Variants in ZFPM2 observed in about 807,000 individuals in gnomAD.
The protein encoded by ZFPM2 is zinc finger protein ZFPM2.
ZFPM2 carries 20 observed loss-of-function variants against 98.6 expected under a neutral mutation model. That is an observed-to-expected ratio of 0.20 (90% CI 0.14 to 0.29). The LOEUF is 0.29. Ranked by LOEUF, ZFPM2 falls within the 10% of genes least tolerant of loss-of-function variation. The probability of loss-of-function intolerance (pLI) is 1.00; values close to 1 mark genes in which losing one functional copy is unlikely to be tolerated. For missense variants in ZFPM2, 1,310 were observed against 1,388.6 expected (o/e 0.94, Z 0.90); for synonymous variants, 518 against 502.7 (o/e 1.03, Z -0.41).
chr8:105,787,375 A>G (rs1171861749), intron 5 of ZFPM2: 1 of 152,190 alleles, frequency 6.6e-6, no homozygotes, highest in African/African-American at 2.4e-5. Context: ...CTTTCACACA[A>G]ATTTGGGGTC....
At chr8:105,682,677 A>G (rs1810636464) in intron 5 of ZFPM2, among the ~76,000 whole-genome samples, 1 of 152,174 alleles carries the variant, frequency 6.6e-6, no homozygotes, top group Non-Finnish European at 1.5e-5. Context: ...AAGAATGGCC[A>G]GAACTCAGTC....
chr8:105,489,397 T>A (rs915866956), intron 3 of ZFPM2, among the ~76,000 whole-genome samples: 7 of 147,076 alleles, frequency 4.8e-5, no homozygotes, highest in Admixed American at 2.7e-4. Flanking sequence ...GATATATATT[T>A]TATATATATT....
chr8:105,493,909 T>C (rs886430036), intron 3 of ZFPM2, among the ~76,000 whole-genome samples: 11 of 152,008 alleles, frequency 7.2e-5, no homozygotes, highest in African/African-American at 1.9e-4. Flanking sequence ...ACTTTGCCTG[T>C]CAAACTCAAG....
chr8:105,788,525 G>A (rs778006909), intron 5 of ZFPM2, among the ~76,000 whole-genome samples, 193 bp from the exon 6 acceptor site: 16 of 151,996 alleles, frequency 1.1e-4, no homozygotes, highest in Admixed American at 2.0e-4. Flanking sequence ...TCACTAAATC[G>A]TTCATTTAAT....
In ZFPM2 at chr8:105,361,694, A is replaced by G. The variant is rs550572755; in HGVS notation, c.40+42713A>G. ...TCTTTTTAAAAAATAAATTTTCAGA[A>G]TAATGCTTTATGGAAATTGAAGCTT... On this transcript the variant is annotated intron_variant, in intron 1 of 7. Transcript: ENST00000407775. Among the ~76,000 whole-genome samples the G allele has an allele frequency of 5.3e-5, 8 of 152,332 alleles. No homozygotes were observed. In the East Asian group the frequency reaches 1.5e-3, roughly 29 times the overall value.
intron 5 of ZFPM2, among the ~76,000 whole-genome samples, chr8:105,749,593 C>G (rs1812431041): frequency 6.6e-6 from 1 of 152,010 alleles, no homozygotes. Context: ...TGGGAGCTCT[C>G]TTTGTGAGCT....
At chr8:105,330,583 T>TATATATATATAC (rs1812202992) in intron 1 of ZFPM2, among the ~76,000 whole-genome samples, 3 of 42,268 alleles carry the variant, frequency 7.1e-5, no homozygotes, top group African/African-American at 2.9e-4. Context: ...TATATATACA[T>TATATATATATAC]ATATATATAT....
chr8:105,427,535 T>TC (rs1329591769), intron 2 of ZFPM2, among the ~76,000 whole-genome samples: 1 of 152,228 alleles, frequency 6.6e-6, no homozygotes, highest in Non-Finnish European at 1.5e-5. Flanking sequence ...TTCTTATTAA[T>TC]ATGTAAAATT....
chr8:105,623,023 T>G (rs1816583949), intron 4 of ZFPM2, among the ~76,000 whole-genome samples: 1 of 152,186 alleles, frequency 6.6e-6, no homozygotes, highest in African/African-American at 2.4e-5. Context: ...ATTACAATAT[T>G]TGAATTGATG....
At chr8:105,432,705 A>G (rs1331323816) in intron 2 of ZFPM2, among the ~76,000 whole-genome samples, 1 of 152,226 alleles carries the variant, frequency 6.6e-6, no homozygotes, top group Non-Finnish European at 1.5e-5. Flanking sequence ...TGGGAATGAT[A>G]TTAGATACAG....
intron 5 of ZFPM2, among the ~76,000 whole-genome samples, chr8:105,783,563 C>T (rs1214276262): frequency 6.6e-6 from 1 of 152,062 alleles, no homozygotes; most frequent in East Asian, 1.9e-4. Context: ...TATCCCAGCC[C>T]CTGGCAACCA....
chr8:105,539,781 T>A (rs979950336), intron 3 of ZFPM2, among the ~76,000 whole-genome samples: 1 of 152,202 alleles, frequency 6.6e-6, no homozygotes, highest in Admixed American at 6.5e-5. Flanking sequence ...CATGGAAGAC[T>A]TCTGTCGTTT....
rs535878376 is a variant in ZFPM2 at position 105,334,177 on chromosome 8, G to A, written c.40+15196G>A. ...GTGTGTGTGGTGGGGGGAGGGGTTT[G>A]GGGCCAGAAAATCAGGTAATATTGC... On this transcript the variant is annotated intron_variant, in intron 1 of 7. Coordinates refer to ENST00000407775, the MANE Select transcript of ZFPM2 (RefSeq NM_012082.4). Among the ~76,000 whole-genome samples, 6 of 149,670 alleles carry A rather than the reference G, an allele frequency of 4.0e-5. No homozygotes were observed. The Admixed American group carries it at 4.0e-4, about 10-fold the overall frequency.
chr8:105,460,459 TCCAACAG>T (rs1225513446), intron 3 of ZFPM2, among the ~76,000 whole-genome samples: 2 of 151,924 alleles, frequency 1.3e-5, no homozygotes, highest in Non-Finnish European at 2.9e-5. Context: ...CATGGAAACA[TCCAACAG>T]GTGGAAAGTG....
At chr8:105,427,731 T>C (rs765347835) in intron 2 of ZFPM2, among the ~76,000 whole-genome samples, 1 of 152,188 alleles carries the variant, frequency 6.6e-6, no homozygotes, top group Non-Finnish European at 1.5e-5. Flanking sequence ...TTTGTTGTCC[T>C]TAAAAGGTCA....
chr8:105,344,309 A>C (rs1812478763), intron 1 of ZFPM2, among the ~76,000 whole-genome samples: 1 of 151,754 alleles, frequency 6.6e-6, no homozygotes, highest in South Asian at 2.1e-4. Flanking sequence ...AGCTGTCAGA[A>C]CTCTCAAAGC....
intron 5 of ZFPM2, among the ~76,000 whole-genome samples, chr8:105,721,821 C>T (rs1001824270): frequency 7.9e-5 from 12 of 151,918 alleles, no homozygotes; most frequent in Admixed American, 7.2e-4. Flanking sequence ...CATCTCTTGC[C>T]ATCTCACATG....
chr8:105,684,222 A>G (rs1810681505), intron 5 of ZFPM2, among the ~76,000 whole-genome samples: 1 of 152,158 alleles, frequency 6.6e-6, no homozygotes, highest in African/African-American at 2.4e-5. Context: ...CCAGTTAGTT[A>G]TTACTTAATT....
intron 1 of ZFPM2, among the ~76,000 whole-genome samples, chr8:105,365,318 A>C (rs1810486243): frequency 6.6e-6 from 1 of 152,176 alleles, no homozygotes; most frequent in African/African-American, 2.4e-5. Context: ...ATAAAAGACG[A>C]GGTTTTAGAT....
Sources: gnomAD v4.1 joint callset for allele counts (sites outside exome capture counted in the v4.1 genomes callset) on GRCh38, gnomAD v4.1.1 for gene constraint, MANE v1.5 for transcripts, NCBI Gene and HGNC (gene_info 2026-07-23, HGNC 2026-07-21) for gene names.